Variants in XXYLT1 observed in about 807,000 individuals in gnomAD.
The protein encoded by XXYLT1 is UDP-xylose:alpha-xyloside alpha-1,3-xylosyltransferase.
Under a neutral mutation model 28.9 loss-of-function variants are expected in XXYLT1, and 20 were observed. The observed-to-expected ratio is 0.69, with a 90% CI of 0.49 to 1.00. The LOEUF is 1.00. XXYLT1 is among the 50% of genes least tolerant of loss of function. The probability of loss-of-function intolerance (pLI) is 0.00; values close to 1 mark genes in which losing one functional copy is unlikely to be tolerated. For synonymous variants in XXYLT1, 257 were observed against 253.8 expected (o/e 1.01, Z -0.12); for missense variants, 542 against 560.1 (o/e 0.97, Z 0.33).
chr3:195,232,508 T>C (rs1357257553), intron 1 of XXYLT1, among the ~76,000 whole-genome samples: 1 of 152,044 alleles, frequency 6.6e-6, no homozygotes. Flanking sequence ...TCTTTTTTGA[T>C]GTAGGCATTT....
rs555477981 is a variant in XXYLT1, at chr3:195,098,369, T to A, written c.786-28258A>T. 2.0e-5 allele frequency among the ~76,000 whole-genome samples: 3 copies of A among 152,198 alleles called. No homozygotes were observed. In the South Asian group the frequency reaches 6.2e-4, roughly 32 times the overall value. On this transcript the variant is annotated intron_variant, in intron 3 of 3. Coordinates refer to ENST00000310380, the MANE Select transcript of XXYLT1 (RefSeq NM_152531.5). ...AAGATCGAGACCATCCTGGCTAACA[T>A]GTTGAAACCCTGTCTCTACTAAAAA...
In XXYLT1 at chr3:195,251,609, C is replaced by T. The variant is rs550917957; in HGVS notation, c.504+18946G>A. On this transcript the variant is annotated intron_variant, in intron 1 of 3. Coordinates refer to ENST00000310380, the MANE Select transcript of XXYLT1 (RefSeq NM_152531.5). ...CTGAACGCTCTCGGAAGGTTGGCCCCAGTGTCTGCACAGCCAGGAAGTCTG... is the reference window on the plus strand; with the variant it reads ...CTGAACGCTCTCGGAAGGTTGGCCCTAGTGTCTGCACAGCCAGGAAGTCTG... Among the ~76,000 whole-genome samples, 3 of 152,326 alleles carry T rather than the reference C, an allele frequency of 2.0e-5. No individual in the cohort carries two copies. In the South Asian group the frequency reaches 6.2e-4, roughly 32 times the overall value.
intron 3 of XXYLT1, among the ~76,000 whole-genome samples, chr3:195,151,170 G>A (rs1023227025): frequency 3.3e-5 from 5 of 152,034 alleles, no homozygotes; most frequent in Non-Finnish European, 7.4e-5. Context: ...ATCACCTGCT[G>A]CTGCTAAAAA....
chr3:195,222,903 A>G (rs1723890560), intron 2 of XXYLT1, among the ~76,000 whole-genome samples: 1 of 152,080 alleles, frequency 6.6e-6, no homozygotes, highest in Non-Finnish European at 1.5e-5. Context: ...AAAAAGCTAC[A>G]TGTTGGGAAT....
intron 3 of XXYLT1, among the ~76,000 whole-genome samples, chr3:195,148,924 CAG>C (rs373980543): frequency 4.3e-4 from 66 of 152,188 alleles, no homozygotes; most frequent in African/African-American, 1.6e-3. Flanking sequence ...TCAAAATAAT[CAG>C]GGGAAGAGGA....
At chr3:195,122,710 G>T (rs1718427268) in intron 3 of XXYLT1, among the ~76,000 whole-genome samples, 1 of 152,154 alleles carries the variant, frequency 6.6e-6, no homozygotes, top group South Asian at 2.1e-4. Flanking sequence ...AGCTTTTTTG[G>T]TTTCACATTA....
intron 3 of XXYLT1, among the ~76,000 whole-genome samples, chr3:195,128,018 G>A (rs959389974): frequency 6.6e-6 from 1 of 152,094 alleles, no homozygotes; most frequent in Non-Finnish European, 1.5e-5. Context: ...GGAAACCCAA[G>A]GTCCAGGCAA....
chr3:195,089,589 C>T (rs1716016875), intron 3 of XXYLT1, among the ~76,000 whole-genome samples: 1 of 152,022 alleles, frequency 6.6e-6, no homozygotes, highest in Non-Finnish European at 1.5e-5. Context: ...AATGTAAAGA[C>T]CATCGAGACT....
At chr3:195,270,187 C>A in intron 1 of XXYLT1, 1 of 509,782 alleles carries the variant, frequency 2.0e-6, no homozygotes, top group Non-Finnish European at 3.8e-6. Context: ...TGACCAGTCC[C>A]ATCCTCAGAA....
chr3:195,156,715 C>G, intron 2 of XXYLT1, 134 bp from the exon 3 acceptor site: 1 of 1,194,930 alleles, frequency 8.4e-7, no homozygotes, highest in Non-Finnish European at 1.2e-6. Flanking sequence ...TGCACAGTTA[C>G]CGCTGGAACA....
Position 195,110,546 on chromosome 3 carries a change from GTGTGTGTGTGGTGTA to G in XXYLT1, c.786-40450_786-40436del, listed in dbSNP as rs1468856681. On this transcript the variant is annotated intron_variant, in intron 3 of 3. Coordinates refer to ENST00000310380, the MANE Select transcript of XXYLT1 (RefSeq NM_152531.5). The stretch of plus-strand genomic sequence containing the variant: ...CGTGGTGTACGTGTGCGTGTGTGTG[GTGTGTGTGTGGTGTA>G]TGTATGTGGTGTGTTGTGTGGTGTA... 2.7e-4 allele frequency among the ~76,000 whole-genome samples: 7 copies of G among 25,688 alleles called. 1 individual carries two copies. In the East Asian group the frequency reaches 3.0e-3, roughly 11 times the overall value. The allele number at this position is 25,688 out of a possible 152,430, so 16.9% of individuals were successfully genotyped here.
chr3:195,070,147 AG>A, intron 3 of XXYLT1, 36 bp from the exon 4 acceptor site: 1 of 1,507,696 alleles, frequency 6.6e-7, no homozygotes, highest in Non-Finnish European at 8.8e-7. Flanking sequence ...TCCGGTGTGC[AG>A]GGGAACCAGC....
chr3:195,122,115 T>C (rs1718389053), intron 3 of XXYLT1: 1 of 702,992 alleles, frequency 1.4e-6, no homozygotes, highest in African/African-American at 1.7e-5. Context: ...ATGGCTGCCT[T>C]TCCCCAGTCT....
chr3:195,112,491 C>CATGCACACACGCATGGAT (rs1717789651), intron 3 of XXYLT1, among the ~76,000 whole-genome samples: 1 of 69,922 alleles, frequency 1.4e-5, no homozygotes, highest in African/African-American at 3.5e-5. Flanking sequence ...CACGCATGGA[C>CATGCACACACGCATGGAT]ACATGCACAC....
intron 3 of XXYLT1, among the ~76,000 whole-genome samples, chr3:195,143,285 G>A (rs1245594890): frequency 2.0e-5 from 3 of 152,216 alleles, no homozygotes; most frequent in Admixed American, 6.5e-5. Context: ...CACGGTGGGA[G>A]CATTTGGCCA....
At chr3:195,071,062 C>A (rs1714776337) in intron 3 of XXYLT1, among the ~76,000 whole-genome samples, 1 of 152,198 alleles carries the variant, frequency 6.6e-6, no homozygotes, top group African/African-American at 2.4e-5. Flanking sequence ...TCTTTAATAG[C>A]TAAGCCTCAT....
intron 3 of XXYLT1, among the ~76,000 whole-genome samples, chr3:195,070,504 G>A (rs1714742458): frequency 6.6e-6 from 1 of 152,116 alleles, no homozygotes; most frequent in African/African-American, 2.4e-5. Flanking sequence ...CACACACCTA[G>A]TAAGCAGCAG....
rs1273520979 is a variant in XXYLT1, at chr3:195,109,792, GGT to G, written c.786-39683_786-39682del. ...CTGGGTGTGTGTGTGGTGTATGTGT[GGT>G]GTGTGTGGTGTATGAGTGTGTGTGT... is the stretch of plus-strand genomic sequence containing the variant. On this transcript the variant is annotated intron_variant, in intron 3 of 3. Transcript: ENST00000310380. 6.1e-5 allele frequency among the ~76,000 whole-genome samples: 3 copies of G among 49,522 alleles called. 1 individual carries two copies. The highest frequency in any genetic ancestry group is 9.5e-5 in the Non-Finnish European group (2 of 21,064). 32.5% of individuals were successfully genotyped at this position (49,522 alleles called of 152,430 possible).
chr3:195,123,456 C>G (rs1002599886), intron 3 of XXYLT1, among the ~76,000 whole-genome samples: 1 of 152,220 alleles, frequency 6.6e-6, no homozygotes, highest in African/African-American at 2.4e-5. Flanking sequence ...GGAGGTGCTA[C>G]TGCCTGAGTC....
Sources: allele counts gnomAD v4.1 joint callset (sites outside exome capture counted in the v4.1 genomes callset), GRCh38; gene constraint gnomAD v4.1.1; transcripts MANE v1.5; gene names NCBI Gene and HGNC (gene_info 2026-07-23, HGNC 2026-07-21).